The following VPS13D variants were observed in gnomAD, a reference collection of about 807,000 sequenced individuals.
The protein encoded by VPS13D is vacuolar protein sorting 13 homolog D.
VPS13D carries 187 observed loss-of-function variants against 461.9 expected under a neutral mutation model. The observed-to-expected ratio is 0.40, with a 90% CI of 0.36 to 0.46. VPS13D has a LOEUF of 0.46. VPS13D is among the 20% of genes least tolerant of loss of function. VPS13D has a pLI of 0.60. For missense variants in VPS13D, 4,711 were observed against 5,364.9 expected, an observed-to-expected ratio of 0.88 and a Z score of 3.81; for synonymous variants, 1,951 against 1,986.3, an observed-to-expected ratio of 0.98 and a Z score of 0.47.
intron 1 of VPS13D, among the ~76,000 whole-genome samples, chr1:12,232,900 A>G (rs150208135): frequency 1.4e-3 from 216 of 152,142 alleles, no homozygotes; most frequent in African/African-American, 5.0e-3. Context: ...AGTGATCCTC[A>G]TGAACAAATT....
At chr1:12,249,424 T>A in intron 6 of VPS13D, 85 bp downstream of exon 6, 1 of 1,038,168 alleles carries the variant, frequency 9.6e-7, no homozygotes, top group Non-Finnish European at 1.4e-6. Context: ...TTGTGTTATG[T>A]AAATGAATCA....
chr1:12,295,113 A>G (rs1426668192), intron 24 of VPS13D, among the ~76,000 whole-genome samples: 1 of 151,164 alleles, frequency 6.6e-6, no homozygotes, highest in Non-Finnish European at 1.5e-5. Flanking sequence ...AGTCCCAGGT[A>G]CTTGGGAGGC....
rs143611003 is a variant in VPS13D at position 12,482,675 on chromosome 1, A to G, written c.12663-14825A>G. On this transcript the variant is annotated intron_variant, in intron 67 of 69. Coordinates refer to ENST00000620676, the MANE Select transcript of VPS13D (RefSeq NM_015378.4). ...GGACTTATTCTCCCTGGGCATTGAC[A>G]AGCAAAGAGATTAATAATGGTAACC... is the stretch of plus-strand genomic sequence containing the variant. Among the ~76,000 whole-genome samples the G allele has an allele frequency of 3.5e-3, 534 of 151,462 alleles. 3 individuals carry two copies. Among genetic ancestry groups the G allele is most frequent in the African/African-American group, 0.012 (514 of 41,230 alleles).
chr1:12,355,533 T>C (rs1352917179), intron 47 of VPS13D, among the ~76,000 whole-genome samples: 1 of 152,230 alleles, frequency 6.6e-6, no homozygotes, highest in Non-Finnish European at 1.5e-5. Context: ...CATCTCACTG[T>C]ACCCCCAAAA....
chr1:12,389,329 C>G (rs996461389), intron 60 of VPS13D, among the ~76,000 whole-genome samples: 2 of 152,218 alleles, frequency 1.3e-5, no homozygotes, highest in African/African-American at 4.8e-5. Context: ...TCAATCCAAT[C>G]AAGTTGACAC....
At position 12,425,949 on chromosome 1, in the gene VPS13D, C is replaced by A. The variant is rs545824127; in HGVS notation, c.12333+9122C>A. Among the ~76,000 whole-genome samples, 25 of 152,344 alleles carry A rather than the reference C, an allele frequency of 1.6e-4. No individual in the cohort carries two copies. In the East Asian group the frequency reaches 3.5e-3, roughly 21 times the overall value. On this transcript the variant is annotated intron_variant, in intron 65 of 69. Coordinates refer to ENST00000620676, the MANE Select transcript of VPS13D (RefSeq NM_015378.4). ...AAGCAAAACCATGAGCCGTTGGAAA[C>A]AACATTACTTAAAAGTAAAGCTCAA...
At chr1:12,435,512 C>T (rs1012629773) in intron 65 of VPS13D, among the ~76,000 whole-genome samples, 2 of 152,078 alleles carry the variant, frequency 1.3e-5, no homozygotes, top group African/African-American at 4.8e-5. Flanking sequence ...CACTATGTGC[C>T]AGGTACTGTT....
intron 66 of VPS13D, among the ~76,000 whole-genome samples, chr1:12,459,065 G>A (rs1645368640): frequency 6.6e-6 from 1 of 152,162 alleles, no homozygotes; most frequent in South Asian, 2.1e-4. Flanking sequence ...ATCCAGTGGG[G>A]TTGGCCAGTC....
chr1:12,302,833 TTTTTTTTTTTTTTTTTTTAGCCTTC>T (rs1379596532), intron 25 of VPS13D, among the ~76,000 whole-genome samples: 1 of 110,658 alleles, frequency 9.0e-6, no homozygotes, highest in Non-Finnish European at 1.9e-5. Context: ...AAAGAATTCC[TTTTTTTTTTTTTTTTTTTAGCCTTC>T]ACTAGTACGT....
chr1:12,244,142 T>C, intron 3 of VPS13D, 104 bp from the exon 4 acceptor site: 1 of 1,186,960 alleles, frequency 8.4e-7, no homozygotes, highest in Non-Finnish European at 1.2e-6. Context: ...AAAAAAGTAG[T>C]AACAGCAATC....
chr1:12,335,072 G>A (rs1002206070), intron 38 of VPS13D, among the ~76,000 whole-genome samples: 1 of 152,152 alleles, frequency 6.6e-6, no homozygotes, highest in African/African-American at 2.4e-5. Context: ...TCTCACAGAA[G>A]TAAAACTACT....
intron 6 of VPS13D, among the ~76,000 whole-genome samples, chr1:12,252,020 C>T (rs1239339400): frequency 6.6e-6 from 1 of 152,130 alleles, no homozygotes; most frequent in African/African-American, 2.4e-5. Context: ...ATTGAGATTG[C>T]TCAGCTTGCA....
chr1:12,330,031 G>A lies in VPS13D; in HGVS notation c.8287+113G>A, dbSNP rs1004720909. The A allele has an allele frequency of 9.9e-6, 7 of 707,730 alleles. 1 individual carries two copies. Among genetic ancestry groups the A allele is most frequent in the Admixed American group, 5.4e-5 (2 of 37,106 alleles). 43.8% of individuals were successfully genotyped at this position (707,730 alleles called of 1,614,324 possible). A position where few individuals can be genotyped will look rare whatever the true frequency, so the allele number is the denominator to read the frequency against. On this transcript the variant is annotated intron_variant, in intron 37 of 69. Transcript: ENST00000620676. ...GGAAAGGGCAGGGGTGGGGTGGGAC[G>A]GGGAAAGATGAAAAGCAAGTAGACT...
At chr1:12,406,694 CCCATTCTCT>C (rs1435760712) in intron 63 of VPS13D, among the ~76,000 whole-genome samples, 2 of 152,164 alleles carry the variant, frequency 1.3e-5, no homozygotes, top group African/African-American at 4.8e-5. Flanking sequence ...TGCCTGACTC[CCCATTCTCT>C]CCATTCTCTC....
intron 63 of VPS13D, among the ~76,000 whole-genome samples, chr1:12,411,866 C>A (rs1047951511): frequency 2.0e-5 from 3 of 152,236 alleles, no homozygotes; most frequent in Admixed American, 6.5e-5. Flanking sequence ...AAGGAAGCTA[C>A]TCCCAGCTTC....
intron 65 of VPS13D, among the ~76,000 whole-genome samples, chr1:12,428,270 G>T (rs1052643906): frequency 6.6e-6 from 1 of 152,204 alleles, no homozygotes; most frequent in Non-Finnish European, 1.5e-5. Flanking sequence ...AAGTAGTGAT[G>T]TGGAGGCGCA....
chr1:12,243,114 G>A (rs907058542), intron 3 of VPS13D, among the ~76,000 whole-genome samples: 1 of 151,862 alleles, frequency 6.6e-6, no homozygotes, highest in Non-Finnish European at 1.5e-5. Flanking sequence ...CACCATGCCC[G>A]GCTAATTTTT....
At chr1:12,242,335 A>G (rs540448066) in intron 2 of VPS13D, among the ~76,000 whole-genome samples, 178 bp from the exon 3 acceptor site, 1 of 152,194 alleles carries the variant, frequency 6.6e-6, no homozygotes, top group Non-Finnish European at 1.5e-5. Flanking sequence ...TCTAGGTGTA[A>G]AACTTTAACC....
chr1:12,332,316 T>C (rs539787741), intron 37 of VPS13D, among the ~76,000 whole-genome samples: 86 of 152,362 alleles, frequency 5.6e-4, no homozygotes, highest in East Asian at 5.8e-4. Context: ...CTTTCAGAAG[T>C]AGAATGGATA....
Sources: gnomAD v4.1 joint callset for allele counts (sites outside exome capture counted in the v4.1 genomes callset) on GRCh38, gnomAD v4.1.1 for gene constraint, MANE v1.5 for transcripts, NCBI Gene and HGNC (gene_info 2026-07-23, HGNC 2026-07-21) for gene names.